The following GLYATL3 variants were observed in gnomAD, a reference collection of about 807,000 sequenced individuals.
GLYATL3 encodes the protein glycine-N-acyltransferase like 3.
Under a neutral mutation model 28.5 loss-of-function variants are expected in GLYATL3, and 31 were observed. That is an observed-to-expected ratio of 1.09 (90% CI 0.82 to 1.47). GLYATL3 has a LOEUF of 1.47. Among genes scored for constraint, GLYATL3 ranks in the 40% most tolerant of loss-of-function variants. The probability of loss-of-function intolerance (pLI) is 0.00; values close to 1 mark genes in which losing one functional copy is unlikely to be tolerated. For missense variants in GLYATL3, 369 were observed against 351.5 expected (o/e 1.05, Z -0.40); for synonymous variants, 141 against 140.2 (o/e 1.01, Z -0.04).
At chr6:49,512,594 G>A (rs1769144397) in intron 2 of GLYATL3, among the ~76,000 whole-genome samples, 1 of 152,136 alleles carries the variant, frequency 6.6e-6, no homozygotes, top group Non-Finnish European at 1.5e-5. Context: ...AGGTGGCACT[G>A]CAGTTAAGAA....
intron 4 of GLYATL3, among the ~76,000 whole-genome samples, chr6:49,520,768 C>T (rs538898398): frequency 2.0e-4 from 31 of 152,242 alleles, no homozygotes; most frequent in Middle Eastern, 6.8e-3. Context: ...GTAATCCAAG[C>T]GCTTTGGGAG....
chr6:49,510,455 C>T (rs1769101715), intron 1 of GLYATL3, among the ~76,000 whole-genome samples: 1 of 152,192 alleles, frequency 6.6e-6, no homozygotes, highest in African/African-American at 2.4e-5. Flanking sequence ...CTTCAGTATT[C>T]AGGCATAAAA....
chr6:49,527,602 G>C lies in GLYATL3; in HGVS notation c.*688G>C, dbSNP rs1769446018. Among the ~76,000 whole-genome samples, 1 of 152,106 alleles carries C rather than the reference G, an allele frequency of 6.6e-6. No homozygotes were observed. The highest frequency in any genetic ancestry group is 1.5e-5 in the Non-Finnish European group (1 of 68,030). On this transcript the variant is annotated 3_prime_UTR_variant, in exon 6 of 6. Coordinates refer to ENST00000371197, the MANE Select transcript of GLYATL3 (RefSeq NM_001010904.2). ...GGGCCCAAAATTTGCATTTCTAACA[G>C]CTTCCCACTGCTTATTTGCCTTGGA...
At chr6:49,510,933 A>C (rs1017587264) in intron 1 of GLYATL3, among the ~76,000 whole-genome samples, 3 of 152,196 alleles carry the variant, frequency 2.0e-5, no homozygotes, top group African/African-American at 7.2e-5. Flanking sequence ...TTTTAGGTAG[A>C]TTACAATTGA....
intron 2 of GLYATL3, among the ~76,000 whole-genome samples, chr6:49,513,404 T>G (rs968863755): frequency 1.3e-5 from 2 of 152,202 alleles, no homozygotes; most frequent in Non-Finnish European, 2.9e-5. Flanking sequence ...GTGTCAAATA[T>G]TTCAGTTGGT....
intron 1 of GLYATL3, among the ~76,000 whole-genome samples, chr6:49,505,401 A>G (rs1402844903): frequency 1.3e-5 from 2 of 152,252 alleles, no homozygotes; most frequent in East Asian, 1.9e-4. Context: ...CAGAGATAAC[A>G]GCAAACAACT....
chr6:49,523,879 A>G (rs1176165774), intron 5 of GLYATL3, among the ~76,000 whole-genome samples: 1 of 152,160 alleles, frequency 6.6e-6, no homozygotes, highest in Non-Finnish European at 1.5e-5. Context: ...TCTTTGAAGT[A>G]TCCCATAATC....
At chr6:49,517,617 A>C (rs954063155) in intron 4 of GLYATL3, 61 bp downstream of exon 4, 15 of 1,166,670 alleles carry the variant, frequency 1.3e-5, no homozygotes, top group Non-Finnish European at 1.8e-5. Context: ...GCATATATCC[A>C]GATAGTTATA....
At chr6:49,505,825 A>C (rs1052269764) in intron 1 of GLYATL3, among the ~76,000 whole-genome samples, 1 of 152,194 alleles carries the variant, frequency 6.6e-6, no homozygotes, top group Non-Finnish European at 1.5e-5. Context: ...TACCCATTCA[A>C]CTAGAGAATT....
intron 1 of GLYATL3, among the ~76,000 whole-genome samples, chr6:49,504,522 A>G (rs533608139): frequency 6.9e-4 from 105 of 152,298 alleles, no homozygotes; most frequent in African/African-American, 2.4e-3. Context: ...GTTTTTCGGC[A>G]GCAGTAACAG....
intron 1 of GLYATL3, among the ~76,000 whole-genome samples, chr6:49,506,714 T>C (rs913522202): frequency 5.3e-5 from 8 of 152,182 alleles, no homozygotes; most frequent in African/African-American, 1.9e-4. Context: ...CAAGGACGGC[T>C]CAATAGTGTT....
chr6:49,521,908 T>G, intron 5 of GLYATL3, 137 bp downstream of exon 5: 1 of 647,552 alleles, frequency 1.5e-6, no homozygotes, highest in Non-Finnish European at 2.6e-6. Context: ...AACGGGAGTA[T>G]GTGTGTGAGT....
intron 4 of GLYATL3, among the ~76,000 whole-genome samples, chr6:49,518,814 G>T (rs1278875208): frequency 6.6e-6 from 1 of 151,960 alleles, no homozygotes; most frequent in Non-Finnish European, 1.5e-5. Flanking sequence ...GGTGGCGGGC[G>T]CCTGTAGTCC....
At chr6:49,509,410 C>T (rs908441559) in intron 1 of GLYATL3, among the ~76,000 whole-genome samples, 4 of 152,164 alleles carry the variant, frequency 2.6e-5, no homozygotes, top group East Asian at 1.9e-4. Context: ...CATGTCCAAA[C>T]GAAACTTACC....
At chr6:49,523,403 A>G (rs1002886927) in intron 5 of GLYATL3, among the ~76,000 whole-genome samples, 1 of 152,228 alleles carries the variant, frequency 6.6e-6, no homozygotes, top group African/African-American at 2.4e-5. Context: ...CTCAGTGCCC[A>G]GGATTTTATT....
At chr6:49,503,481 T>C (rs1297744007) in intron 1 of GLYATL3, among the ~76,000 whole-genome samples, 1 of 152,234 alleles carries the variant, frequency 6.6e-6, no homozygotes. Flanking sequence ...AAATATATGA[T>C]ATAATAGGGG....
At chr6:49,507,508 T>C (rs978280076) in intron 1 of GLYATL3, among the ~76,000 whole-genome samples, 1 of 152,190 alleles carries the variant, frequency 6.6e-6, no homozygotes, top group African/African-American at 2.4e-5. Flanking sequence ...GTGTTTAGAC[T>C]GTGATTGTCG....
intron 1 of GLYATL3, among the ~76,000 whole-genome samples, chr6:49,510,810 G>C (rs143370582): frequency 6.6e-6 from 1 of 152,180 alleles, no homozygotes; most frequent in Admixed American, 6.5e-5. Context: ...CTCCTGCAGA[G>C]AGCACAGACA....
At chr6:49,515,502 G>T in intron 2 of GLYATL3, 151 bp from the exon 3 acceptor site, 1 of 486,134 alleles carries the variant, frequency 2.1e-6, no homozygotes, top group Non-Finnish European at 3.7e-6. Context: ...TAATATACGT[G>T]TCTATTATGT....
Sources: gnomAD v4.1 joint callset for allele counts (sites outside exome capture counted in the v4.1 genomes callset) on GRCh38, gnomAD v4.1.1 for gene constraint, MANE v1.5 for transcripts, NCBI Gene and HGNC (gene_info 2026-07-23, HGNC 2026-07-21) for gene names.